CEP295: variants seen among roughly 807,000 people sequenced by gnomAD.
CEP295 encodes the protein centrosomal protein 295.
Under a neutral mutation model 291.6 loss-of-function variants are expected in CEP295, and 190 were observed. The observed-to-expected ratio is 0.65, with a 90% CI of 0.58 to 0.73. The LOEUF is 0.73. Ranked by LOEUF, CEP295 falls within the 30% of genes least tolerant of loss-of-function variation. CEP295 has a pLI of 0.00. For synonymous variants in CEP295, 993 were observed against 1,038.8 expected (o/e 0.96, Z 0.85); for missense variants, 2,863 against 2,949.4 (o/e 0.97, Z 0.68).
intron 25 of CEP295, chr11:93,729,022 T>C: frequency 3.7e-6 from 2 of 538,718 alleles, no homozygotes; most frequent in South Asian, 2.8e-5. Context: ...CCCACTCCAA[T>C]TTATGCCTGT....
At chr11:93,726,059 A>G (rs1954107964) in intron 23 of CEP295, among the ~76,000 whole-genome samples, 1 of 150,624 alleles carries the variant, frequency 6.6e-6, no homozygotes. Flanking sequence ...CAATTTCCCT[A>G]CCTCAATCAT....
In CEP295 at chr11:93,730,114, C is replaced by T; in HGVS notation, c.7733C>T (p.Ala2578Val). 1 of 1,550,884 alleles carries T rather than the reference C, an allele frequency of 6.4e-7. No individual in the cohort carries two copies. Among genetic ancestry groups the T allele is most frequent in the Middle Eastern group, 1.7e-4 (1 of 5,988 alleles). The change falls in exon 29 of 30, where the codon GCC becomes GTC. Residue 2578 changes from alanine (A) to valine (V), a missense_variant. Around this residue, in one of 3 missense-constraint regions of CEP295, gnomAD observed 2,295 missense variants for 2,335.7 expected, o/e 0.98. Transcript: ENST00000325212. ...GAAAAAACAAAACAAGAAGCTTATG[C>T]CCAAAACAGAGCAAGGGCAAAAGAA... ...KEEKTKQEAY[A>V]QNRARAKEFH...
intron 18 of CEP295, among the ~76,000 whole-genome samples, chr11:93,711,400 GTA>G (rs2135229682): frequency 6.6e-6 from 1 of 152,282 alleles, no homozygotes; most frequent in South Asian, 2.1e-4. Flanking sequence ...CCATGTGTTT[GTA>G]TAGTTTCCAA....
chr11:93,670,749 C>G (rs1024311494), intron 5 of CEP295, among the ~76,000 whole-genome samples: 2 of 152,148 alleles, frequency 1.3e-5, no homozygotes, highest in African/African-American at 2.4e-5. Context: ...AATGTATTAT[C>G]CATGATGCCT....
intron 2 of CEP295, 92 bp downstream of exon 2, chr11:93,666,907 A>G: frequency 1.3e-6 from 1 of 741,392 alleles, no homozygotes; most frequent in Non-Finnish European, 2.2e-6. Context: ...GTTGTATTTA[A>G]AAACCTCTTC....
At chr11:93,667,899 C>G (rs1950261198) in intron 3 of CEP295, 92 bp downstream of exon 3, 3 of 880,308 alleles carry the variant, frequency 3.4e-6, no homozygotes, top group Non-Finnish European at 3.4e-6. Context: ...ATAACATTTT[C>G]ATGCATTGAA....
In CEP295 at chr11:93,698,163, A is replaced by G; in HGVS notation, c.3251A>G (p.His1084Arg). 1.3e-6 allele frequency: 2 copies of G among 1,552,170 alleles called. No individual in the cohort carries two copies. The highest frequency in any genetic ancestry group is 8.7e-7 in the Non-Finnish European group (1 of 1,147,080). The stretch of plus-strand genomic sequence containing the variant: ...GAAGCTCAGGTGGAATTACTTTTAC[A>G]TAGACAAAGAGATTTGGGGGACAGT... ...RHEAQVELLL[H>R]RQRDLGDSKS... Residue 1084 changes from histidine to arginine, a missense_variant, in exon 15 of 30, where the codon CAT (histidine) becomes CGT (arginine). By Grantham distance (29) the His-to-Arg change is conservative (BLOSUM62 0). This residue lies in a region of CEP295 where 2,295 missense variants were observed against 2,335.7 expected (regional missense o/e 0.98). Coordinates refer to ENST00000325212, the MANE Select transcript of CEP295 (RefSeq NM_033395.2).
At chr11:93,685,505 A>G (rs1951186948) in intron 9 of CEP295, among the ~76,000 whole-genome samples, 1 of 152,170 alleles carries the variant, frequency 6.6e-6, no homozygotes, top group Admixed American at 6.5e-5. Context: ...TTGTTGTCCA[A>G]ACGGAAGCCT....
chr11:93,667,177 A>G (rs1382797736), intron 2 of CEP295, among the ~76,000 whole-genome samples: 2 of 152,208 alleles, frequency 1.3e-5, no homozygotes, highest in East Asian at 1.9e-4. Flanking sequence ...ACCCTTTTCT[A>G]GAAGTGTTTT....
chr11:93,710,331 A>G (rs1952814547), intron 18 of CEP295, among the ~76,000 whole-genome samples: 1 of 152,188 alleles, frequency 6.6e-6, no homozygotes, highest in African/African-American at 2.4e-5. Flanking sequence ...GGTTTTTATC[A>G]TGAAGGAATG....
intron 12 of CEP295, among the ~76,000 whole-genome samples, 155 bp downstream of exon 12, chr11:93,692,185 T>C (rs1000853248): frequency 5.9e-5 from 9 of 152,238 alleles, no homozygotes; most frequent in Non-Finnish European, 1.2e-4. Flanking sequence ...AAAATGCGTG[T>C]TGTCTTTGCC....
At chr11:93,694,704 T>G (rs1951763448) in intron 12 of CEP295, among the ~76,000 whole-genome samples, 2 of 152,240 alleles carry the variant, frequency 1.3e-5, no homozygotes, top group Admixed American at 1.3e-4. Flanking sequence ...TATTGATGTT[T>G]TCAGCAGTAC....
At chr11:93,721,752 G>C (rs764097292) in intron 19 of CEP295, 1 of 710,770 alleles carries the variant, frequency 1.4e-6, no homozygotes, top group Non-Finnish European at 2.6e-6. Flanking sequence ...TGAGATTGAG[G>C]GTGGGGGGGT....
chr11:93,704,865 G>T (rs904323967), intron 17 of CEP295, among the ~76,000 whole-genome samples: 1 of 152,110 alleles, frequency 6.6e-6, no homozygotes, highest in Non-Finnish European at 1.5e-5. Context: ...CTCACTAGAG[G>T]CAGTTACTTT....
At chr11:93,712,577 G>A (rs1208571326) in intron 18 of CEP295, among the ~76,000 whole-genome samples, 2 of 152,262 alleles carry the variant, frequency 1.3e-5, no homozygotes, top group South Asian at 2.1e-4. Flanking sequence ...TCTGATATAA[G>A]TATAGCTACT....
chr11:93,699,832 T>C lies in CEP295; in HGVS notation c.4920T>C (p.His1640=), dbSNP rs1952042339. 1.9e-6 allele frequency: 3 copies of C among 1,552,284 alleles called. No homozygotes were observed. The highest frequency in any genetic ancestry group is 2.6e-6 in the Non-Finnish European group (3 of 1,147,124). The change falls in exon 15 of 30, where the codon CAT becomes CAC. Residue 1640 remains histidine, a synonymous_variant. Coordinates refer to ENST00000325212, the MANE Select transcript of CEP295 (RefSeq NM_033395.2). ...TGAACAAAAGTGAATCTGCTGAGCA[T>C]ACTATCCCCTCTTTGTTTCTACCCA... The part of the protein sequence containing the change: ...RKLNKSESAE[H]TIPSLFLPKE...
chr11:93,711,381 G>GT (rs1952885104), intron 18 of CEP295, among the ~76,000 whole-genome samples: 1 of 152,160 alleles, frequency 6.6e-6, no homozygotes. Flanking sequence ...GGAGCATACT[G>GT]TTTAACTTCC....
chr11:93,702,172 T>C (rs1952207484), intron 15 of CEP295, among the ~76,000 whole-genome samples: 1 of 152,018 alleles, frequency 6.6e-6, no homozygotes, highest in Non-Finnish European at 1.5e-5. Context: ...TTGGCCAGGC[T>C]GGTCTTGAAC....
At chr11:93,686,401 A>G (rs1951242323) in intron 9 of CEP295, among the ~76,000 whole-genome samples, 1 of 152,076 alleles carries the variant, frequency 6.6e-6, no homozygotes, top group Admixed American at 6.5e-5. Context: ...AGTTTGTCAC[A>G]ATGGAAGTCT....
Sources: allele counts gnomAD v4.1 joint callset (sites outside exome capture counted in the v4.1 genomes callset), GRCh38; gene constraint gnomAD v4.1.1; regional missense constraint gnomAD v4.1.1; transcripts MANE v1.5; gene names NCBI Gene and HGNC (gene_info 2026-07-23, HGNC 2026-07-21).